Variants in SULF2 observed in about 807,000 individuals in gnomAD.
The protein encoded by SULF2 is sulfatase 2, also known as extracellular sulfatase Sulf-2.
Under a neutral mutation model 107.7 loss-of-function variants are expected in SULF2, and 52 were observed. The observed-to-expected ratio is 0.48, with a 90% CI of 0.39 to 0.61. SULF2 has a LOEUF of 0.61. SULF2 is among the 20% of genes least tolerant of loss of function. The probability of loss-of-function intolerance (pLI) is 0.00; values close to 1 mark genes in which losing one functional copy is unlikely to be tolerated. For synonymous variants in SULF2, 460 were observed against 464.3 expected, an observed-to-expected ratio of 0.99 and a Z score of 0.12; for missense variants, 993 against 1,177.3, an observed-to-expected ratio of 0.84 and a Z score of 2.29.
intron 4 of SULF2, among the ~76,000 whole-genome samples, chr20:47,698,826 G>A: frequency 6.6e-6 from 1 of 152,226 alleles, no homozygotes; most frequent in Admixed American, 6.5e-5. Flanking sequence ...GAGATTGGGA[G>A]TTCGAGACCA....
chr20:47,751,876 G>T (rs964110227), intron 2 of SULF2, among the ~76,000 whole-genome samples: 3 of 152,194 alleles, frequency 2.0e-5, no homozygotes, highest in African/African-American at 7.2e-5. Flanking sequence ...CCACTCAGTT[G>T]CTTTTCAACA....
intron 8 of SULF2, 105 bp from the exon 9 acceptor site, chr20:47,677,239 G>T: frequency 1.6e-6 from 2 of 1,281,618 alleles, no homozygotes; most frequent in Non-Finnish European, 2.2e-6. Context: ...TTGGTTTACG[G>T]TCAGCCTGGA....
chr20:47,681,661 G>A (rs75954043), intron 7 of SULF2, among the ~76,000 whole-genome samples: 4,111 of 152,246 alleles, frequency 0.027, 187 homozygotes, highest in African/African-American at 0.094. Context: ...GAGCATCCAC[G>A]TCACAGGGCA....
chr20:47,725,822 C>T (rs1046193307), intron 3 of SULF2, among the ~76,000 whole-genome samples: 6 of 152,216 alleles, frequency 3.9e-5, no homozygotes, highest in South Asian at 4.1e-4. Flanking sequence ...GAGGAAGCCC[C>T]GCTCCCGGCC....
At chr20:47,679,240 C>T (rs1257709449) in intron 7 of SULF2, among the ~76,000 whole-genome samples, 1 of 152,108 alleles carries the variant, frequency 6.6e-6, no homozygotes, top group African/African-American at 2.4e-5. Flanking sequence ...ACCATCCTCT[C>T]TGCCTGGAAT....
At chr20:47,785,251 G>T (rs1349670666) in intron 1 of SULF2, 92 bp downstream of exon 1, 1 of 141,738 alleles carries the variant, frequency 7.1e-6, no homozygotes, top group African/African-American at 2.6e-5. Context: ...GCTCGCGGCC[G>T]GGCTCACGCC....
At chr20:47,778,845 G>A (rs1245768221) in intron 1 of SULF2, among the ~76,000 whole-genome samples, 1 of 152,122 alleles carries the variant, frequency 6.6e-6, no homozygotes, top group Non-Finnish European at 1.5e-5. Context: ...GAGGCTGGGG[G>A]GAGAAAACCA....
intron 1 of SULF2, among the ~76,000 whole-genome samples, chr20:47,779,329 C>A (rs181126635): frequency 6.6e-6 from 1 of 152,160 alleles, no homozygotes; most frequent in East Asian, 1.9e-4. Context: ...AAATCACCCT[C>A]GGTTGAGAAT....
intron 10 of SULF2, among the ~76,000 whole-genome samples, chr20:47,676,286 T>G (rs935198332): frequency 2.6e-5 from 4 of 152,160 alleles, no homozygotes; most frequent in Non-Finnish European, 4.4e-5. Flanking sequence ...TCTGACACGG[T>G]CAGGGTCCAA....
At chr20:47,702,398 C>A in intron 4 of SULF2, 121 bp downstream of exon 4, 1 of 1,186,884 alleles carries the variant, frequency 8.4e-7, no homozygotes, top group Non-Finnish European at 1.2e-6. Context: ...ATGTAAAATG[C>A]TCAAGGTCAC....
At chr20:47,742,992 G>T (rs1375679670) in intron 2 of SULF2, among the ~76,000 whole-genome samples, 2 of 130,154 alleles carry the variant, frequency 1.5e-5, no homozygotes, top group African/African-American at 5.9e-5. Flanking sequence ...CCTATCTGTT[G>T]GAGGCCTGCT....
intron 1 of SULF2, among the ~76,000 whole-genome samples, chr20:47,767,518 C>A (rs767673575): frequency 6.6e-6 from 1 of 152,188 alleles, no homozygotes; most frequent in African/African-American, 2.4e-5. Context: ...CAGTGGCTCA[C>A]GCCTGTTATC....
intron 1 of SULF2, among the ~76,000 whole-genome samples, chr20:47,784,893 T>G (rs1405724639): frequency 6.6e-6 from 1 of 152,138 alleles, no homozygotes; most frequent in Non-Finnish European, 1.5e-5. Context: ...ACTCTGAAGA[T>G]CCGGCCCACT....
chr20:47,715,669 C>A (rs1341436563), intron 3 of SULF2, among the ~76,000 whole-genome samples: 2 of 151,892 alleles, frequency 1.3e-5, no homozygotes, highest in South Asian at 2.1e-4. Flanking sequence ...GCAACCTCTG[C>A]CTCCCGGGTT....
chr20:47,732,390 A>T (rs1209078124), intron 3 of SULF2, among the ~76,000 whole-genome samples: 1 of 152,246 alleles, frequency 6.6e-6, no homozygotes, highest in Non-Finnish European at 1.5e-5. Context: ...AACCCAGGCA[A>T]AGCTAATGCC....
chr20:47,713,115 GA>G (rs1357044268), intron 3 of SULF2, among the ~76,000 whole-genome samples: 2 of 152,124 alleles, frequency 1.3e-5, no homozygotes, highest in Admixed American at 6.5e-5. Flanking sequence ...GCTACATGCT[GA>G]AAAAAATGGG....
At chr20:47,754,284 C>A (rs958858045) in intron 2 of SULF2, among the ~76,000 whole-genome samples, 2 of 152,178 alleles carry the variant, frequency 1.3e-5, no homozygotes, top group African/African-American at 4.8e-5. Context: ...GTCTCCAGCC[C>A]AGAGGGCTGT....
intron 1 of SULF2, among the ~76,000 whole-genome samples, chr20:47,784,071 G>A (rs530980472): frequency 2.0e-5 from 3 of 152,276 alleles, no homozygotes; most frequent in South Asian, 4.1e-4. Context: ...GAAATTTGGA[G>A]AGCGCGCAGA....
chr20:47,766,440 G>A (rs1395659502), intron 1 of SULF2, among the ~76,000 whole-genome samples: 2 of 152,232 alleles, frequency 1.3e-5, no homozygotes, highest in African/African-American at 2.4e-5. Context: ...TCAGAGGGAG[G>A]AGGGAAAGAT....
Sources: gnomAD v4.1 joint callset for allele counts (sites outside exome capture counted in the v4.1 genomes callset) on GRCh38, gnomAD v4.1.1 for gene constraint, MANE v1.5 for transcripts, NCBI Gene and HGNC (gene_info 2026-07-23, HGNC 2026-07-21) for gene names.